Variants in ZC3H7A observed in about 807,000 individuals in gnomAD.
ZC3H7A encodes the protein zinc finger CCCH domain-containing protein 7A.
In ZC3H7A, 44 loss-of-function variants were observed where a neutral mutation model predicts 125.5. The ratio of observed to expected loss-of-function variants is 0.35; its 90% CI spans 0.28 to 0.45. ZC3H7A has a LOEUF of 0.45. Ranked by LOEUF, ZC3H7A falls within the 20% of genes least tolerant of loss-of-function variation. ZC3H7A has a pLI of 1.00. For synonymous variants in ZC3H7A, 399 were observed against 391.2 expected (o/e 1.02, Z -0.23); for missense variants, 977 against 1,170.7 (o/e 0.83, Z 2.41).
At position 11,774,482 on chromosome 16, in the gene ZC3H7A, G is replaced by C; in HGVS notation, c.657C>G (p.Val219=). The C allele has an allele frequency of 6.3e-7, 1 of 1,577,090 alleles. No homozygotes were observed. Among genetic ancestry groups the C allele is most frequent in the Non-Finnish European group, 8.6e-7 (1 of 1,158,984 alleles). The change falls in exon 9 of 23, where the codon GTC becomes GTG. Residue 219 remains valine, a synonymous_variant. Coordinates refer to ENST00000355758, the MANE Select transcript of ZC3H7A (RefSeq NM_014153.4). ...GAGAAAAACTGGGTGCCGGTAAAGA[G>C]ACAACAGGAACTGCTTCTTGCCTTG... ...LTPRQEAVPV[V]SLPAPSFSHE...
chr16:11,760,490 G>A (rs1311442798), intron 19 of ZC3H7A, among the ~76,000 whole-genome samples: 1 of 152,178 alleles, frequency 6.6e-6, no homozygotes, highest in African/African-American at 2.4e-5. Flanking sequence ...ACTTGTGTAA[G>A]TTTTACAAAA....
intron 1 of ZC3H7A, among the ~76,000 whole-genome samples, chr16:11,784,284 T>C (rs1250475680): frequency 1.3e-5 from 2 of 152,224 alleles, no homozygotes; most frequent in African/African-American, 4.8e-5. Context: ...TTCTAGCTAC[T>C]TGGACATGTT....
rs1205076758 is a variant in ZC3H7A, at chr16:11,788,427, A to G, written c.-34-6039T>C. ...ACCCTCTGGCCTGTTTGACAGTTCC[A>G]TTTGAATTTCTCACAGACATCCTAA... On this transcript the variant is annotated intron_variant, in intron 1 of 22. Transcript: ENST00000355758. Among the ~76,000 whole-genome samples, 5 of 152,074 alleles carry G rather than the reference A, an allele frequency of 3.3e-5. No individual in the cohort carries two copies. In the East Asian group the frequency reaches 9.6e-4, roughly 29 times the overall value.
chr16:11,779,584 A>G lies in ZC3H7A; in HGVS notation c.109-221T>C, dbSNP rs1175809445. Among the ~76,000 whole-genome samples the G allele has an allele frequency of 4.6e-5, 7 of 152,220 alleles. No individual in the cohort carries two copies. The East Asian group carries it at 1.3e-3, about 29-fold the overall frequency. On this transcript the variant is annotated intron_variant, in intron 3 of 22. Transcript: ENST00000355758. ...AAATTCAATTTCTCACTATTAAGAA[A>G]AATGCAGCAAAGTACCTTATAAATA...
chr16:11,753,136 A>C (rs1278298212), intron 21 of ZC3H7A: 1 of 300,698 alleles, frequency 3.3e-6, no homozygotes, highest in Non-Finnish European at 6.2e-6. Context: ...GGGAAGAACT[A>C]ACACCATGAG....
At chr16:11,782,546 C>A in intron 1 of ZC3H7A, 158 bp from the exon 2 acceptor site, 9 of 474,374 alleles carry the variant, frequency 1.9e-5, no homozygotes, top group East Asian at 3.7e-5. Flanking sequence ...GTACAGGAGT[C>A]ATCTTTGTGG....
At position 11,779,209 on chromosome 16, in the gene ZC3H7A, A is replaced by T; in HGVS notation, c.263T>A (p.Ile88Asn). Residue 88 changes from isoleucine (I) to asparagine (N), a missense_variant, in exon 4 of 23, where the codon ATT becomes AAT. Transcript: ENST00000355758. ...AATACGATTTATATATAGTTTTTCA[A>T]TTATTTCTTTGGGGATTAAAATTTC... is the stretch of plus-strand genomic sequence containing the variant. Reference protein sequence around the residue: ...SEEILIPKEIIEKLYINRIAC... With the variant: ...SEEILIPKEINEKLYINRIAC... 1 of 1,609,722 alleles carries T rather than the reference A, an allele frequency of 6.2e-7. No individual in the cohort carries two copies. The highest frequency in any genetic ancestry group is 8.5e-7 in the Non-Finnish European group (1 of 1,176,484).
intron 8 of ZC3H7A, 123 bp from the exon 9 acceptor site, chr16:11,774,642 G>T: frequency 8.3e-7 from 1 of 1,205,662 alleles, no homozygotes; most frequent in Non-Finnish European, 1.1e-6. Flanking sequence ...TAATAAAATT[G>T]ACAGTATAGT....
At chr16:11,779,920 A>G (rs2053146550) in intron 3 of ZC3H7A, among the ~76,000 whole-genome samples, 1 of 151,878 alleles carries the variant, frequency 6.6e-6, no homozygotes, top group South Asian at 2.1e-4. Context: ...TGTCTTTACC[A>G]GTGAAGTTGA....
rs2053046798 is a variant in ZC3H7A at position 11,774,498 on chromosome 16, T to G, written c.641A>C (p.Glu214Ala). 5.1e-6 allele frequency: 8 copies of G among 1,555,508 alleles called. No homozygotes were observed. Among genetic ancestry groups the G allele is most frequent in the Non-Finnish European group, 7.0e-6 (8 of 1,149,306 alleles). ...IEPDLLTPRQ[E>A]AVPVVSLPAP... ...CGGTAAAGAGACAACAGGAACTGCT[T>G]CTTGCCTTGGAGTTAATAAATCTGT... The change falls in exon 9 of 23, where the codon GAA becomes GCA. Residue 214 changes from glutamate (E) to alanine (A), a missense_variant. Coordinates refer to ENST00000355758, the MANE Select transcript of ZC3H7A (RefSeq NM_014153.4).
chr16:11,778,048 A>G (rs903947362), intron 4 of ZC3H7A, among the ~76,000 whole-genome samples: 3 of 151,716 alleles, frequency 2.0e-5, no homozygotes, highest in African/African-American at 4.8e-5. Context: ...TTTTAAAAGG[A>G]AAAAAAGAAA....
chr16:11,782,023 T>C (rs896168173), intron 2 of ZC3H7A, among the ~76,000 whole-genome samples: 3 of 152,188 alleles, frequency 2.0e-5, no homozygotes, highest in Non-Finnish European at 2.9e-5. Flanking sequence ...GCACTGTTCA[T>C]AGAACAAATT....
chr16:11,769,784 C>CTTTCTTTTTTTTTTTTTTTT (rs1485329734), intron 10 of ZC3H7A, among the ~76,000 whole-genome samples: 2 of 61,608 alleles, frequency 3.2e-5, no homozygotes, highest in African/African-American at 1.9e-4. Context: ...CAATTGCTTT[C>CTTTCTTTTTTTTTTTTTTTT]TTTTTTTTTT....
intron 1 of ZC3H7A, among the ~76,000 whole-genome samples, chr16:11,792,813 G>A (rs1223321209): frequency 6.6e-6 from 1 of 152,210 alleles, no homozygotes; most frequent in South Asian, 2.1e-4. Flanking sequence ...TGCCAAAGAC[G>A]CCTGGAGGGG....
Position 11,770,879 on chromosome 16 carries a change from G to C in ZC3H7A, c.1012C>G (p.Pro338Ala). 6.2e-7 allele frequency: 1 copy of C among 1,614,182 alleles called. No individual in the cohort carries two copies. Among genetic ancestry groups the C allele is most frequent in the South Asian group, 1.1e-5 (1 of 91,092 alleles). The change falls in exon 10 of 23, where the codon CCA (proline) becomes GCA (alanine). Residue 338 changes from proline to alanine, a missense_variant. Pro to Ala is a conservative substitution (Grantham distance 27). Coordinates refer to ENST00000355758, the MANE Select transcript of ZC3H7A (RefSeq NM_014153.4). ...GGATAAAATTCTGAGAAGGAGGGTG[G>C]AGGAGCATACCTCGCACCAATGGGT... ...TLPIGARYAP[P>A]PSFSEFYPPL...
intron 1 of ZC3H7A, among the ~76,000 whole-genome samples, chr16:11,792,718 AG>A (rs1407331563): frequency 1.3e-5 from 2 of 152,236 alleles, no homozygotes; most frequent in Non-Finnish European, 2.9e-5. Context: ...GATTACACCT[AG>A]GAAGTAGCAG....
At chr16:11,763,711 ATATATATATATATATATATAT>A in intron 15 of ZC3H7A, 52 bp from the exon 16 acceptor site, 1 of 900 alleles carries the variant, frequency 1.1e-3, no homozygotes, top group Non-Finnish European at 1.9e-3. Flanking sequence ...GATTTTTCAA[ATATATATATATATATATATAT>A]ATATATATAT....
chr16:11,796,173 TC>T (rs2053433470), intron 1 of ZC3H7A: 1 of 152,210 alleles, frequency 6.6e-6, no homozygotes, highest in Non-Finnish European at 1.5e-5. Flanking sequence ...ATCCAATTTG[TC>T]CCAAACATGA....
chr16:11,752,719 C>A lies in ZC3H7A; in HGVS notation c.2676G>T (p.Gln892His). 1 of 1,614,198 alleles carries A rather than the reference C, an allele frequency of 6.2e-7. No homozygotes were observed. Among genetic ancestry groups the A allele is most frequent in the Non-Finnish European group, 8.5e-7 (1 of 1,180,030 alleles). The change falls in exon 22 of 23, where the codon CAG (glutamine) becomes CAT (histidine). Residue 892 changes from glutamine to histidine, a missense_variant. Around this residue, in one of 3 missense-constraint regions of ZC3H7A, gnomAD observed 436 missense variants for 603.2 expected, o/e 0.72. Coordinates refer to ENST00000355758, the MANE Select transcript of ZC3H7A (RefSeq NM_014153.4). ...TTGGGAAGCGGTGCTGCCAGCAGTA[C>A]TGGTCGTCCTCGGTGTGGAAAACCT... is the stretch of plus-strand genomic sequence containing the variant. ...KEKVFHTEDD[Q>H]YCWQHRFPTG...
Sources: allele counts gnomAD v4.1 joint callset (sites outside exome capture counted in the v4.1 genomes callset), GRCh38; gene constraint gnomAD v4.1.1; regional missense constraint gnomAD v4.1.1; transcripts MANE v1.5; gene names NCBI Gene and HGNC (gene_info 2026-07-23, HGNC 2026-07-21).